The following ABCB9 variants were observed in gnomAD, a reference collection of about 807,000 sequenced individuals.
The protein encoded by ABCB9 is ABC-type oligopeptide transporter ABCB9.
In ABCB9, 36 loss-of-function variants were observed where a neutral mutation model predicts 62.0. The ratio of observed to expected loss-of-function variants is 0.58; its 90% CI spans 0.45 to 0.77. The LOEUF is 0.77. Among genes scored for constraint, ABCB9 ranks in the 30% least tolerant of loss-of-function variants. ABCB9 has a pLI of 0.00. For synonymous variants in ABCB9, 435 were observed against 461.4 expected (o/e 0.94, Z 0.73); for missense variants, 943 against 1,054.7 (o/e 0.89, Z 1.47).
upstream of ABCB9, among the ~76,000 whole-genome samples, chr12:122,971,105 T>A (rs1266603296): frequency 6.6e-6 from 1 of 152,042 alleles, no homozygotes; most frequent in Non-Finnish European, 1.5e-5. Context: ...CCACATACAT[T>A]TGTCAAAAAC....
chr12:122,971,926 A>C (rs983820655), intron 1 of ABCB9, among the ~76,000 whole-genome samples: 4 of 152,106 alleles, frequency 2.6e-5, no homozygotes, highest in African/African-American at 9.7e-5. Context: ...GTGAGCCTAA[A>C]ACTGATCTTA....
upstream of ABCB9, among the ~76,000 whole-genome samples, chr12:122,967,561 T>C (rs1215900877): frequency 6.6e-6 from 1 of 152,204 alleles, no homozygotes; most frequent in Non-Finnish European, 1.5e-5. Flanking sequence ...AGTTCTCAGC[T>C]CACTGCAGCC....
intron 2 of ABCB9, chr12:122,952,979 A>G (rs1035106502): frequency 6.6e-6 from 1 of 152,268 alleles, no homozygotes; most frequent in African/African-American, 2.4e-5. Context: ...TCCTTGGCTC[A>G]AAACAGTCCA....
chr12:122,927,913 T>C (rs1355079902), downstream of ABCB9, among the ~76,000 whole-genome samples: 2 of 152,208 alleles, frequency 1.3e-5, no homozygotes, highest in Non-Finnish European at 2.9e-5. Flanking sequence ...TCTGAAGATA[T>C]GCTAAGTCTC....
At position 122,959,970 on chromosome 12, in the gene ABCB9, A is replaced by T; in HGVS notation, c.266T>A (p.Val89Glu). Residue 89 changes from valine (V) to glutamate (E), a missense_variant, in exon 2 of 12, where the codon GTG becomes GAG. Physicochemically the swap from Val to Glu is moderately radical, Grantham distance 121. Coordinates refer to ENST00000280560, the MANE Select transcript of ABCB9 (RefSeq NM_019625.4). The surrounding 1 kb of genome is among the most constrained non-coding windows in gnomAD (Gnocchi z 5.4). ...LRASWLVITL[V>E]CLFVGIYAMV... ...GGCATAGATGCCCACGAAGAGGCACACGAGGGTGATGACCAGCCACGAGGC... is the reference window on the plus strand; with the variant it reads ...GGCATAGATGCCCACGAAGAGGCACTCGAGGGTGATGACCAGCCACGAGGC... 6.2e-7 allele frequency: 1 copy of T among 1,613,198 alleles called. No homozygotes were observed. Among genetic ancestry groups the T allele is most frequent in the East Asian group, 2.2e-5 (1 of 44,880 alleles).
intron 10 of ABCB9, among the ~76,000 whole-genome samples, chr12:122,934,415 CT>C: frequency 6.6e-6 from 1 of 152,092 alleles, no homozygotes; most frequent in East Asian, 1.9e-4. Context: ...AAAATACAGG[CT>C]GGATACAATG....
intron 10 of ABCB9, among the ~76,000 whole-genome samples, chr12:122,933,031 C>T (rs763299738): frequency 6.6e-6 from 1 of 152,150 alleles, no homozygotes; most frequent in African/African-American, 2.4e-5. Context: ...ACTGAGACTA[C>T]AGGTGCATGC....
chr12:122,957,664 CTT>C (rs754788374), intron 2 of ABCB9, among the ~76,000 whole-genome samples: 44 of 113,904 alleles, frequency 3.9e-4, no homozygotes, highest in East Asian at 5.7e-4. Context: ...ATATTAATAT[CTT>C]TTTTTTTTTT....
intron 6 of ABCB9, 39 bp downstream of exon 6, chr12:122,945,986 T>C: frequency 1.3e-6 from 2 of 1,579,612 alleles, no homozygotes; most frequent in South Asian, 2.2e-5. Context: ...TTGCATCCCA[T>C]CCCTCCACAG....
chr12:122,957,430 G>T (rs908605031), intron 2 of ABCB9, among the ~76,000 whole-genome samples: 4 of 152,238 alleles, frequency 2.6e-5, no homozygotes, highest in East Asian at 1.9e-4. Flanking sequence ...GCTCAGAAAG[G>T]CTGGAGAACT....
At position 122,930,122 on chromosome 12, in the gene ABCB9, A is replaced by G. The variant is rs1431679281; in HGVS notation, c.2090T>C (p.Ile697Thr). ...GNLQKHTVLI[I>T]AHRLSTVEHA... ...CTCCACGGTGCTCAGCCGGTGCGCG[A>G]TGATGAGTACCGTGTGCTTCTGCAG... Residue 697 changes from isoleucine to threonine, a missense_variant, in exon 12 of 12, where the codon ATC (isoleucine) becomes ACC (threonine). Coordinates refer to ENST00000280560, the MANE Select transcript of ABCB9 (RefSeq NM_019625.4). The surrounding 1 kb of genome is among the most constrained non-coding windows in gnomAD (Gnocchi z 4.9). 1.3e-6 allele frequency: 2 copies of G among 1,555,036 alleles called. No individual in the cohort carries two copies. The highest frequency in any genetic ancestry group is 1.9e-5 in the Admixed American group (1 of 51,320).
intron 2 of ABCB9, chr12:122,952,083 G>A (rs1313278353): frequency 6.5e-6 from 1 of 153,068 alleles, no homozygotes; most frequent in African/African-American, 2.4e-5. Flanking sequence ...ACAGCAAGGA[G>A]GGACCATCTT....
intron 2 of ABCB9, 24 bp from the exon 3 acceptor site, chr12:122,950,589 G>A: frequency 2.5e-6 from 4 of 1,593,036 alleles, no homozygotes; most frequent in East Asian, 2.2e-5. Context: ...GGCAGCCTCA[G>A]GGACGTCTGC....
intron 2 of ABCB9, 83 bp from the exon 3 acceptor site, chr12:122,950,648 A>G (rs2036317850): frequency 1.4e-5 from 15 of 1,107,142 alleles, no homozygotes; most frequent in Non-Finnish European, 1.8e-5. Context: ...AAGTCCACAC[A>G]CCAACCCCTC....
At chr12:122,961,256 C>T (rs532190760) in intron 1 of ABCB9, among the ~76,000 whole-genome samples, 232 of 152,052 alleles carry the variant, frequency 1.5e-3, no homozygotes, top group Non-Finnish European at 2.7e-3. Context: ...GGTGCGATCC[C>T]GGCTCACCGC....
At chr12:122,924,559 G>A, downstream of ABCB9, 1 of 1,291,722 alleles carries the variant, frequency 7.7e-7, no homozygotes. Flanking sequence ...TGTTTACTGA[G>A]CACATACTAT....
intron 1 of ABCB9, among the ~76,000 whole-genome samples, chr12:122,973,607 A>AAAAAAAAAC (rs2037320853): frequency 6.9e-6 from 1 of 145,328 alleles, no homozygotes; most frequent in Non-Finnish European, 1.5e-5. Flanking sequence ...AAAAAAAAAA[A>AAAAAAAAAC]AACAAAAACT....
At chr12:122,937,703 G>T (rs150060895) in intron 9 of ABCB9, among the ~76,000 whole-genome samples, 30 of 152,334 alleles carry the variant, frequency 2.0e-4, no homozygotes, top group Non-Finnish European at 1.9e-4. Context: ...GGTGTGGGCA[G>T]ATTTCACAAC....
upstream of ABCB9, among the ~76,000 whole-genome samples, chr12:122,969,870 G>A (rs1266535902): frequency 6.6e-6 from 1 of 152,154 alleles, no homozygotes; most frequent in African/African-American, 2.4e-5. Flanking sequence ...ACCAAATGCT[G>A]TCAGCGATGA....
Sources: allele counts gnomAD v4.1 joint callset (sites outside exome capture counted in the v4.1 genomes callset), GRCh38; gene constraint gnomAD v4.1.1; non-coding constraint Gnocchi (gnomAD v3.1); transcripts MANE v1.5; gene names NCBI Gene and HGNC (gene_info 2026-07-23, HGNC 2026-07-21).